FMN1: variants seen among roughly 807,000 people sequenced by gnomAD.
FMN1 encodes the protein formin 1.
FMN1 carries 110 observed loss-of-function variants against 132.4 expected under a neutral mutation model. The observed-to-expected ratio is 0.83, with a 90% CI of 0.71 to 0.97. The LOEUF (loss-of-function observed/expected upper bound fraction) is 0.97. Ranked by LOEUF, FMN1 falls within the 50% of genes least tolerant of loss-of-function variation. The pLI is 0.00. For synonymous variants in FMN1, 722 were observed against 651.7 expected (o/e 1.11, Z -1.64); for missense variants, 1,792 against 1,705.3 (o/e 1.05, Z -0.90).
At chr15:32,881,411 TTCTC>T (rs777599153) in intron 16 of FMN1, among the ~76,000 whole-genome samples, 3 of 152,154 alleles carry the variant, frequency 2.0e-5, no homozygotes, top group Non-Finnish European at 2.9e-5. Context: ...AATTTTGTGG[TTCTC>T]TCTATGCTTT....
intron 18 of FMN1, among the ~76,000 whole-genome samples, chr15:32,799,522 A>G (rs1280414581): frequency 6.6e-6 from 1 of 152,224 alleles, no homozygotes; most frequent in Non-Finnish European, 1.5e-5. Context: ...GATCTTCAGG[A>G]GGGCTACCTT....
At chr15:32,833,943 G>A (rs2058564940) in intron 17 of FMN1, among the ~76,000 whole-genome samples, 1 of 152,146 alleles carries the variant, frequency 6.6e-6, no homozygotes. Flanking sequence ...CTAAAAGGCA[G>A]CTACTTCTCA....
chr15:33,084,775 C>G (rs181878868), intron 5 of FMN1, among the ~76,000 whole-genome samples: 6 of 152,262 alleles, frequency 3.9e-5, no homozygotes, highest in Middle Eastern at 3.4e-3. Flanking sequence ...AAGATGAATG[C>G]CCAGCTAAAT....
intron 17 of FMN1, among the ~76,000 whole-genome samples, chr15:32,849,719 T>A (rs905213474): frequency 3.9e-5 from 6 of 152,104 alleles, no homozygotes; most frequent in African/African-American, 1.4e-4. Flanking sequence ...TGCAGTGGTA[T>A]GATCTCAGCT....
At chr15:32,968,406 T>C (rs966526540) in intron 8 of FMN1, among the ~76,000 whole-genome samples, 4 of 152,154 alleles carry the variant, frequency 2.6e-5, no homozygotes, top group Non-Finnish European at 5.9e-5. Flanking sequence ...TCAATTGTAG[T>C]GATGTTGGGG....
At chr15:33,149,760 CAT>C in intron 4 of FMN1, 1 of 981,896 alleles carries the variant, frequency 1.0e-6, no homozygotes, top group African/African-American at 1.7e-5. Context: ...TAAATGGCTG[CAT>C]ATGTCTATTA....
At chr15:32,837,998 C>G (rs992835478) in intron 17 of FMN1, among the ~76,000 whole-genome samples, 1 of 152,130 alleles carries the variant, frequency 6.6e-6, no homozygotes, top group Non-Finnish European at 1.5e-5. Flanking sequence ...CACTTCCAGT[C>G]TGAAGAACTT....
At chr15:32,960,528 A>T (rs181997085) in intron 9 of FMN1, among the ~76,000 whole-genome samples, 107 of 152,334 alleles carry the variant, frequency 7.0e-4, no homozygotes, top group African/African-American at 2.5e-3. Flanking sequence ...TGACCTTGAG[A>T]AACATTTTGA....
intron 6 of FMN1, among the ~76,000 whole-genome samples, chr15:33,037,595 T>C (rs1224852792): frequency 1.3e-5 from 2 of 152,158 alleles, no homozygotes; most frequent in East Asian, 3.9e-4. Flanking sequence ...AAATTTGCCA[T>C]GACCTGGGGA....
At chr15:32,912,019 A>C (rs1596255570) in intron 10 of FMN1, among the ~76,000 whole-genome samples, 1 of 152,336 alleles carries the variant, frequency 6.6e-6, no homozygotes, top group African/African-American at 2.4e-5. Flanking sequence ...TGTAAATCTC[A>C]GTATTCTCTC....
chr15:32,806,205 T>C (rs1320068363), intron 17 of FMN1, among the ~76,000 whole-genome samples: 1 of 152,232 alleles, frequency 6.6e-6, no homozygotes, highest in African/African-American at 2.4e-5. Context: ...GTAAGTCTCG[T>C]ATCTAGGATC....
At position 32,951,860 on chromosome 15, in the gene FMN1, C is replaced by A. The variant is rs74014355; in HGVS notation, c.3138+12247G>T. Among the ~76,000 whole-genome samples, 1,141 of 152,292 alleles carry A rather than the reference C, an allele frequency of 7.5e-3. 15 individuals are homozygous for A. The highest frequency in any genetic ancestry group is 0.026 in the African/African-American group (1,099 of 41,554). The stretch of plus-strand genomic sequence containing the variant: ...GTTCAAGAAGCCCCTGCTGCCCTAC[C>A]ACACTACCACCTTCCATACTTAGTC... On this transcript the variant is annotated intron_variant, in intron 9 of 20. Coordinates refer to ENST00000616417, the MANE Select transcript of FMN1 (RefSeq NM_001277313.2).
intron 15 of FMN1, among the ~76,000 whole-genome samples, chr15:32,893,517 G>C (rs537105869): frequency 6.6e-6 from 1 of 152,352 alleles, no homozygotes; most frequent in East Asian, 1.9e-4. Flanking sequence ...CACAGACCAA[G>C]ACTTGGACCA....
chr15:32,936,356 G>GA (rs1197850074), intron 9 of FMN1, among the ~76,000 whole-genome samples: 1 of 152,172 alleles, frequency 6.6e-6, no homozygotes, highest in Non-Finnish European at 1.5e-5. Flanking sequence ...TACAGTGAAA[G>GA]ACCTTTGCCA....
chr15:32,842,521 A>G (rs1036023758), intron 17 of FMN1, among the ~76,000 whole-genome samples: 3 of 152,242 alleles, frequency 2.0e-5, no homozygotes, highest in African/African-American at 7.2e-5. Flanking sequence ...GGCTATAATT[A>G]TAAAATATCC....
At chr15:33,139,648 C>G (rs60359287) in intron 4 of FMN1, among the ~76,000 whole-genome samples, 20 of 152,232 alleles carry the variant, frequency 1.3e-4, no homozygotes, top group African/African-American at 4.8e-4. Flanking sequence ...CTCAATGTCA[C>G]TAAAGATCCA....
intron 9 of FMN1, among the ~76,000 whole-genome samples, chr15:32,949,286 CA>C (rs2061572955): frequency 6.6e-6 from 1 of 152,092 alleles, no homozygotes; most frequent in African/African-American, 2.4e-5. Flanking sequence ...TACCTGACTT[CA>C]AACTATACTA....
chr15:32,874,015 T>C (rs1567306846), intron 16 of FMN1, among the ~76,000 whole-genome samples: 2 of 137,634 alleles, frequency 1.5e-5, no homozygotes, highest in African/African-American at 5.9e-5. Context: ...TTTATTTTAG[T>C]TGTTTTTTTT....
intron 6 of FMN1, among the ~76,000 whole-genome samples, chr15:33,058,933 C>T (rs1484240661): frequency 6.6e-6 from 1 of 152,202 alleles, no homozygotes; most frequent in East Asian, 1.9e-4. Flanking sequence ...TTTTGAAATA[C>T]AGAATACATT....
Sources: allele counts gnomAD v4.1 joint callset (sites outside exome capture counted in the v4.1 genomes callset), GRCh38; gene constraint gnomAD v4.1.1; transcripts MANE v1.5; gene names NCBI Gene and HGNC (gene_info 2026-07-23, HGNC 2026-07-21).